Variants in IFT81 observed in about 807,000 individuals in gnomAD.
IFT81 encodes intraflagellar transport protein 81 homolog.
IFT81 carries 72 observed loss-of-function variants against 102.6 expected under a neutral mutation model. The ratio of observed to expected loss-of-function variants is 0.70; its 90% CI spans 0.58 to 0.85. IFT81 has a LOEUF of 0.85. Ranked by LOEUF, IFT81 falls within the 40% of genes least tolerant of loss-of-function variation. IFT81 has a pLI of 0.00. For missense variants in IFT81, 723 were observed against 787.3 expected, an observed-to-expected ratio of 0.92 and a Z score of 0.98; for synonymous variants, 237 against 242.7, an observed-to-expected ratio of 0.98 and a Z score of 0.22.
chr12:110,188,280 C>T (rs1161973860), intron 12 of IFT81, among the ~76,000 whole-genome samples: 3 of 150,366 alleles, frequency 2.0e-5, no homozygotes, highest in African/African-American at 4.9e-5. Context: ...TGCAGTGAGC[C>T]GAGATCGTGC....
intron 11 of IFT81, among the ~76,000 whole-genome samples, chr12:110,179,589 C>T (rs1248453729): frequency 1.3e-5 from 2 of 150,720 alleles, no homozygotes; most frequent in African/African-American, 2.4e-5. Context: ...AGGCGTGGTG[C>T]TCTGCACCTG....
intron 10 of IFT81, among the ~76,000 whole-genome samples, chr12:110,152,252 C>A (rs919798068): frequency 6.6e-6 from 1 of 152,204 alleles, no homozygotes; most frequent in Non-Finnish European, 1.5e-5. Flanking sequence ...AATGGCTATA[C>A]TAATTTACAT....
intron 13 of IFT81, among the ~76,000 whole-genome samples, chr12:110,191,486 A>G (rs899775769): frequency 6.6e-5 from 10 of 151,940 alleles, no homozygotes; most frequent in African/African-American, 2.4e-4. Context: ...TGTCTTTATC[A>G]ATCTCTTTTG....
chr12:110,142,024 A>C (rs1386379467), intron 8 of IFT81, among the ~76,000 whole-genome samples: 1 of 152,252 alleles, frequency 6.6e-6, no homozygotes, highest in African/African-American at 2.4e-5. Flanking sequence ...ATAGTTGTCC[A>C]ACTGCAAAAA....
chr12:110,137,369 T>C (rs1894582995), intron 8 of IFT81, among the ~76,000 whole-genome samples: 1 of 150,664 alleles, frequency 6.6e-6, no homozygotes, highest in South Asian at 2.1e-4. Context: ...TCCTAACCAG[T>C]TTTTCACATC....
chr12:110,183,835 A>G (rs970809123), intron 12 of IFT81, among the ~76,000 whole-genome samples: 6 of 152,052 alleles, frequency 3.9e-5, no homozygotes, highest in African/African-American at 1.4e-4. Context: ...GTCTATCCAG[A>G]TACCCCCATC....
At chr12:110,131,173 T>C (rs1894139325) in intron 4 of IFT81, among the ~76,000 whole-genome samples, 1 of 151,850 alleles carries the variant, frequency 6.6e-6, no homozygotes, top group East Asian at 1.9e-4. Context: ...TCCCAATTAC[T>C]TGGGAAGCTG....
At chr12:110,203,400 T>G (rs1898403513) in intron 14 of IFT81, 1 of 159,250 alleles carries the variant, frequency 6.3e-6, no homozygotes, top group African/African-American at 2.4e-5. Context: ...TGTCTTCCCC[T>G]TGTTCATCTT....
chr12:110,138,290 A>G (rs60013768), intron 8 of IFT81, among the ~76,000 whole-genome samples: 12,165 of 152,278 alleles, frequency 0.08, 529 homozygotes, highest in Middle Eastern at 0.11. Flanking sequence ...ATTTAGTTTA[A>G]TAAGCTCTAA....
In IFT81 at chr12:110,163,066, GTAAGCTGAGCCATCT is replaced by G; in HGVS notation, c.1188+2_1188+16del. 6.2e-7 allele frequency: 1 copy of G among 1,612,690 alleles called. No homozygotes were observed. The highest frequency in any genetic ancestry group is 8.5e-7 in the Non-Finnish European group (1 of 1,179,176). ...TACTGAAGTTTTAAAGGGAGATGAG[GTAAGCTGAGCCATCT>G]CATGGGACAAGGGTATGAGTATTGT... On this transcript the variant is annotated splice_donor_variant and splice_donor_5th_base_variant and intron_variant, in intron 11 of 18. Coordinates refer to ENST00000242591, the MANE Select transcript of IFT81 (RefSeq NM_014055.4). LOFTEE classifies it high-confidence loss of function.
chr12:110,128,918 T>G, intron 3 of IFT81, 32 bp from the exon 4 acceptor site: 1 of 1,548,594 alleles, frequency 6.5e-7, no homozygotes, highest in Non-Finnish European at 8.9e-7. Context: ...GTTAAGTGCG[T>G]GTGTGTTTGT....
At chr12:110,153,507 G>A (rs1895659206) in intron 10 of IFT81, among the ~76,000 whole-genome samples, 1 of 151,594 alleles carries the variant, frequency 6.6e-6, no homozygotes, top group Non-Finnish European at 1.5e-5. Context: ...CAAAGTGCTG[G>A]GATTACAGGC....
In IFT81 at chr12:110,128,932, T is replaced by C. The variant is rs1894006035; in HGVS notation, c.249-18T>C. 6.2e-7 allele frequency: 1 copy of C among 1,603,054 alleles called. No homozygotes were observed. The highest frequency in any genetic ancestry group is 8.5e-7 in the Non-Finnish European group (1 of 1,172,394). On this transcript the variant is annotated intron_variant, in intron 3 of 18. Transcript: ENST00000242591. ...CGTTAAGTGCGTGTGTGTTTGTGTA[T>C]GTGTGTTTCTCTCTTAGGAGTACTT...
intron 5 of IFT81, among the ~76,000 whole-genome samples, chr12:110,134,037 G>A (rs549610167): frequency 1.3e-3 from 203 of 152,102 alleles, no homozygotes; most frequent in Non-Finnish European, 2.1e-3. Context: ...GTCTCACTCT[G>A]TCACCCAGGG....
At chr12:110,148,666 G>A (rs1178316250) in intron 10 of IFT81, among the ~76,000 whole-genome samples, 1 of 151,770 alleles carries the variant, frequency 6.6e-6, no homozygotes, top group Non-Finnish European at 1.5e-5. Context: ...GTAGAGACAG[G>A]GTTTCACCAT....
chr12:110,166,940 ATAATGT>A (rs1566136456), intron 11 of IFT81, among the ~76,000 whole-genome samples: 1 of 152,066 alleles, frequency 6.6e-6, no homozygotes, highest in East Asian at 1.9e-4. Context: ...ATTTAGGAAC[ATAATGT>A]TAATTTGCGT....
Position 110,218,420 on chromosome 12 carries a change from A to G in IFT81, c.*194A>G. The G allele has an allele frequency of 2.4e-6, 1 of 424,908 alleles. No individual in the cohort carries two copies. Among genetic ancestry groups the G allele is most frequent in the Non-Finnish European group, 4.1e-6 (1 of 243,818 alleles). The allele number at this position is 424,908 out of a possible 1,614,324, so 26.3% of individuals were successfully genotyped here. ...TTTTTCATATGAAAAAGAGGCTTTT[A>G]TTCTTTTCCATAGTTTAGACATCAC... is the stretch of plus-strand genomic sequence containing the variant. On this transcript the variant is annotated 3_prime_UTR_variant, in exon 19 of 19. Transcript: ENST00000242591.
intron 1 of IFT81, among the ~76,000 whole-genome samples, chr12:110,126,277 CA>C (rs11287085): frequency 0.25 from 23,980 of 97,424 alleles, 1,709 homozygotes; most frequent in Admixed American, 0.34. Context: ...GACTCCGTCT[CA>C]AAAAAAAAAA....
intron 11 of IFT81, among the ~76,000 whole-genome samples, chr12:110,175,579 T>C (rs1366846734): frequency 3.9e-5 from 6 of 152,242 alleles, no homozygotes; most frequent in African/African-American, 1.4e-4. Flanking sequence ...TTTAAAAAAC[T>C]CGTCCTTTAA....
Sources: allele counts gnomAD v4.1 joint callset (sites outside exome capture counted in the v4.1 genomes callset), GRCh38; gene constraint gnomAD v4.1.1; transcripts MANE v1.5; gene names NCBI Gene and HGNC (gene_info 2026-07-23, HGNC 2026-07-21).